The following RBMS1 variants were observed in gnomAD, a reference collection of about 807,000 sequenced individuals.
The protein encoded by RBMS1 is RNA-binding motif, single-stranded-interacting protein 1.
In RBMS1, 17 loss-of-function variants were observed where a neutral mutation model predicts 62.3. The observed-to-expected ratio is 0.27, with a 90% CI of 0.19 to 0.41. The LOEUF is 0.41. Ranked by LOEUF, RBMS1 falls within the 10% of genes least tolerant of loss-of-function variation. The pLI is 1.00. For synonymous variants in RBMS1, 172 were observed against 170.0 expected (o/e 1.01, Z -0.09); for missense variants, 334 against 504.5 (o/e 0.66, Z 3.24).
intron 1 of RBMS1, among the ~76,000 whole-genome samples, chr2:160,387,065 T>C (rs774349715): frequency 1.3e-5 from 2 of 152,222 alleles, no homozygotes; most frequent in African/African-American, 2.4e-5. Context: ...AGTTGCTGCT[T>C]TCAACCAATT....
chr2:160,313,640 A>G (rs1018794607), intron 3 of RBMS1, among the ~76,000 whole-genome samples: 8 of 152,212 alleles, frequency 5.3e-5, no homozygotes, highest in African/African-American at 1.7e-4. Context: ...AGAAAGATGG[A>G]GACATCCTAC....
At chr2:160,310,796 G>C (rs1689810457) in intron 4 of RBMS1, among the ~76,000 whole-genome samples, 1 of 152,156 alleles carries the variant, frequency 6.6e-6, no homozygotes, top group East Asian at 1.9e-4. Flanking sequence ...TGCAACATAG[G>C]TATCACATAG....
At chr2:160,363,989 C>T (rs1693265682) in intron 2 of RBMS1, among the ~76,000 whole-genome samples, 1 of 152,146 alleles carries the variant, frequency 6.6e-6, no homozygotes, top group African/African-American at 2.4e-5. Context: ...ATAAAAATGG[C>T]TAAGATGTCA....
rs578202933 is a variant in RBMS1, at chr2:160,493,497, T to C, written c.-134A>G. 1.4e-6 allele frequency: 1 copy of C among 729,822 alleles called. No homozygotes were observed. Among genetic ancestry groups the C allele is most frequent in the Non-Finnish European group, 2.4e-6 (1 of 421,158 alleles). 45.2% of individuals were successfully genotyped at this position (729,822 alleles called of 1,614,324 possible). ...CGGCGGCTGCTGCTGCTGCCGCTGCTCCACCTCCCAGCCGGGACCAGACGT... is the reference window on the plus strand; with the variant it reads ...CGGCGGCTGCTGCTGCTGCCGCTGCCCCACCTCCCAGCCGGGACCAGACGT... On this transcript the variant is annotated 5_prime_UTR_variant, in exon 1 of 14. Transcript: ENST00000348849.
intron 2 of RBMS1, among the ~76,000 whole-genome samples, chr2:160,342,691 G>A (rs1055317239): frequency 1.3e-4 from 20 of 151,478 alleles, no homozygotes; most frequent in African/African-American, 4.4e-4. Flanking sequence ...CGAGGTGGGC[G>A]GATCACGTGA....
chr2:160,311,210 ATCTATCTATCTATCT>A (rs1290543600), intron 4 of RBMS1, among the ~76,000 whole-genome samples: 2 of 56,612 alleles, frequency 3.5e-5, no homozygotes, highest in African/African-American at 1.3e-4. Flanking sequence ...AAAAAAAAAA[ATCTATCTATCTATCT>A]ATCTATCTAT....
At chr2:160,352,872 G>A (rs1257124525) in intron 2 of RBMS1, among the ~76,000 whole-genome samples, 1 of 152,066 alleles carries the variant, frequency 6.6e-6, no homozygotes, top group Non-Finnish European at 1.5e-5. Context: ...AGTTTTGGGT[G>A]CTTCTGGTCT....
intron 1 of RBMS1, among the ~76,000 whole-genome samples, chr2:160,412,400 A>C (rs1247145679): frequency 6.6e-6 from 1 of 152,202 alleles, no homozygotes; most frequent in Non-Finnish European, 1.5e-5. Context: ...GAAAGAAAAA[A>C]AGTTAAGGCT....
intron 2 of RBMS1, chr2:160,366,953 T>C (rs1422770024): frequency 2.7e-5 from 7 of 264,018 alleles, no homozygotes; most frequent in Admixed American, 5.2e-5. Flanking sequence ...AAAAAATTCA[T>C]ATTTTACTTC....
chr2:160,280,524 G>C (rs1220131343), intron 10 of RBMS1, among the ~76,000 whole-genome samples: 1 of 152,114 alleles, frequency 6.6e-6, no homozygotes, highest in Non-Finnish European at 1.5e-5. Context: ...ATAAGGCCAA[G>C]AATACAGTTC....
At chr2:160,486,795 T>G (rs898079907) in intron 1 of RBMS1, among the ~76,000 whole-genome samples, 1 of 147,908 alleles carries the variant, frequency 6.8e-6, no homozygotes, top group Non-Finnish European at 1.5e-5. Flanking sequence ...ATGTGTAGAT[T>G]GCAGGCAAGC....
At chr2:160,406,802 G>A (rs761371178) in intron 1 of RBMS1, among the ~76,000 whole-genome samples, 2 of 152,122 alleles carry the variant, frequency 1.3e-5, no homozygotes, top group Non-Finnish European at 2.9e-5. Context: ...CACTGAAGTG[G>A]CTTTCGAGTT....
chr2:160,363,841 G>A (rs1693258945), intron 2 of RBMS1, among the ~76,000 whole-genome samples: 1 of 152,242 alleles, frequency 6.6e-6, no homozygotes, highest in Admixed American at 6.5e-5. Context: ...ATGGGACTAT[G>A]GAGGAGGCAG....
chr2:160,399,846 A>G (rs1695346554), intron 1 of RBMS1, among the ~76,000 whole-genome samples: 1 of 152,220 alleles, frequency 6.6e-6, no homozygotes, highest in African/African-American at 2.4e-5. Context: ...TAACTAAGAA[A>G]AAAAGGGGGA....
At chr2:160,363,895 G>C (rs1423497716) in intron 2 of RBMS1, among the ~76,000 whole-genome samples, 1 of 151,988 alleles carries the variant, frequency 6.6e-6, no homozygotes, top group African/African-American at 2.4e-5. Flanking sequence ...GAGCAGGAGA[G>C]GGATGAGAGT....
At chr2:160,406,697 G>A (rs1695727436) in intron 1 of RBMS1, among the ~76,000 whole-genome samples, 1 of 152,190 alleles carries the variant, frequency 6.6e-6, no homozygotes, top group Non-Finnish European at 1.5e-5. Flanking sequence ...CATGGCTTCA[G>A]TAACCTTCTT....
chr2:160,358,202 G>A (rs960675024), intron 2 of RBMS1, among the ~76,000 whole-genome samples: 1 of 152,106 alleles, frequency 6.6e-6, no homozygotes, highest in Admixed American at 6.6e-5. Context: ...GATTGCGAAG[G>A]TTCTGTGTTT....
chr2:160,273,879 A>G lies in RBMS1; in HGVS notation c.*893T>C, dbSNP rs1687694443. 2 of 152,404 alleles carry G rather than the reference A, an allele frequency of 1.3e-5. No individual in the cohort carries two copies. The highest frequency in any genetic ancestry group is 1.3e-4 in the Admixed American group (2 of 15,262). 9.4% of individuals were successfully genotyped at this position (152,404 alleles called of 1,614,324 possible). ...AAACTGTTGGCGTACAGCCTTACAA[A>G]CAATTTACCCTAATAAAAGTTCCCC... is the stretch of plus-strand genomic sequence containing the variant. On this transcript the variant is annotated 3_prime_UTR_variant, in exon 14 of 14. Transcript: ENST00000348849.
intron 10 of RBMS1, chr2:160,279,050 A>G (rs2105929676): frequency 6.2e-6 from 1 of 162,088 alleles, no homozygotes; most frequent in South Asian, 1.7e-4. Context: ...TTAAAAAAAA[A>G]TCTGGAAAAA....
Sources: gnomAD v4.1 joint callset for allele counts (sites outside exome capture counted in the v4.1 genomes callset) on GRCh38, gnomAD v4.1.1 for gene constraint, MANE v1.5 for transcripts, NCBI Gene and HGNC (gene_info 2026-07-23, HGNC 2026-07-21) for gene names.